The following EVA1A variants were observed in gnomAD, a reference collection of about 807,000 sequenced individuals.
EVA1A encodes protein eva-1 homolog A.
EVA1A carries 7 observed loss-of-function variants against 9.8 expected under a neutral mutation model. The observed-to-expected ratio is 0.71, with a 90% CI of 0.41 to 1.34. EVA1A has a LOEUF of 1.34. Among genes scored for constraint, EVA1A ranks in the 40% most tolerant of loss-of-function variants. The probability of loss-of-function intolerance (pLI) is 0.01; values close to 1 mark genes in which losing one functional copy is unlikely to be tolerated. For synonymous variants in EVA1A, 90 were observed against 85.6 expected (o/e 1.05, Z -0.28); for missense variants, 206 against 205.9 (o/e 1.00, Z 0.00).
At chr2:75,523,880 G>A (rs568988379) in intron 1 of EVA1A, among the ~76,000 whole-genome samples, 1 of 152,202 alleles carries the variant, frequency 6.6e-6, no homozygotes, top group Non-Finnish European at 1.5e-5. Flanking sequence ...ATGTGGTTTG[G>A]CTGTGTCCCC....
upstream of EVA1A, among the ~76,000 whole-genome samples, chr2:75,565,277 G>T (rs1020639663): frequency 1.3e-5 from 2 of 152,090 alleles, no homozygotes; most frequent in Admixed American, 1.3e-4. Flanking sequence ...CTATGAGTAG[G>T]GCTTTTTTTT....
At chr2:75,525,962 G>A (rs967476672) in intron 1 of EVA1A, 1 of 152,190 alleles carries the variant, frequency 6.6e-6, no homozygotes, top group Non-Finnish European at 1.5e-5. Flanking sequence ...TTAGCCTGGA[G>A]GCTGCCTACC....
At chr2:75,503,643 GA>G in intron 3 of EVA1A, among the ~76,000 whole-genome samples, 1 of 152,104 alleles carries the variant, frequency 6.6e-6, no homozygotes, top group Admixed American at 6.6e-5. Flanking sequence ...TTCCTTAAGT[GA>G]AAAGTAAAAG....
At chr2:75,515,435 T>C (rs1674969595) in intron 3 of EVA1A, among the ~76,000 whole-genome samples, 2 of 152,194 alleles carry the variant, frequency 1.3e-5, no homozygotes, top group Admixed American at 1.3e-4. Flanking sequence ...ATTATACTGG[T>C]GTTTGATAAC....
At chr2:75,521,441 C>T (rs1158405682) in intron 2 of EVA1A, among the ~76,000 whole-genome samples, 3 of 152,190 alleles carry the variant, frequency 2.0e-5, no homozygotes, top group African/African-American at 7.2e-5. Flanking sequence ...CCCAAATGTC[C>T]ATCCACAGAT....
chr2:75,528,666 C>T (rs985669179), intron 1 of EVA1A, among the ~76,000 whole-genome samples: 13 of 152,200 alleles, frequency 8.5e-5, no homozygotes, highest in African/African-American at 2.4e-4. Flanking sequence ...CTACTCCCAC[C>T]TGATGGTCTT....
chr2:75,547,260 G>C (rs189385539), intron 1 of EVA1A, among the ~76,000 whole-genome samples: 1 of 152,150 alleles, frequency 6.6e-6, no homozygotes, highest in Non-Finnish European at 1.5e-5. Context: ...TTCATGGATG[G>C]AGCTTCATGC....
chr2:75,542,257 T>G (rs764570544), intron 1 of EVA1A: 1 of 152,574 alleles, frequency 6.6e-6, no homozygotes, highest in Admixed American at 6.5e-5. Flanking sequence ...GTCTCTAGTA[T>G]GTCTTTATCA....
chr2:75,547,612 A>G (rs1465483992), intron 1 of EVA1A, among the ~76,000 whole-genome samples: 3 of 152,196 alleles, frequency 2.0e-5, no homozygotes, highest in African/African-American at 7.2e-5. Flanking sequence ...AGCATTAAAG[A>G]AACAACTAGA....
At position 75,492,411 on chromosome 2, in the gene EVA1A, TA is replaced by T. The variant is rs3081153; in HGVS notation, c.*824del. The T allele has an allele frequency of 1.1e-3, 159 of 138,314 alleles. 1 individual carries two copies. In the East Asian group the frequency reaches 0.019, roughly 16 times the overall value. The allele number at this position is 138,314 out of a possible 1,614,324, so 8.6% of individuals were successfully genotyped here. Reference sequence around the variant, plus strand: ...TCCATTCTTTTCTTTGAAATCCAATTAAAAAAAAAAAAAAAAACAAAGTGTT... The same window carrying T: ...TCCATTCTTTTCTTTGAAATCCAATTAAAAAAAAAAAAAAAACAAAGTGTT... On this transcript the variant is annotated 3_prime_UTR_variant, in exon 4 of 4. Coordinates refer to ENST00000393913, the MANE Select transcript of EVA1A (RefSeq NM_001135032.2).
rs138994184 is a variant in EVA1A at position 75,527,487 on chromosome 2, C to T, written c.-191-5000G>A. On this transcript the variant is annotated intron_variant, in intron 1 of 3. Transcript: ENST00000393913. ...GGACTCTCATCACTACCAGTGGTTA[C>T]GAGCCCCACATCTGTGGAGACCACA... is the stretch of plus-strand genomic sequence containing the variant. Among the ~76,000 whole-genome samples the T allele has an allele frequency of 2.2e-3, 342 of 152,300 alleles. 2 individuals are homozygous for T. The highest frequency in any genetic ancestry group is 7.1e-3 in the African/African-American group (293 of 41,556).
At chr2:75,530,986 C>G (rs12989478) in intron 1 of EVA1A, among the ~76,000 whole-genome samples, 23,535 of 152,024 alleles carry the variant, frequency 0.15, 1,912 homozygotes, top group African/African-American at 0.18. Context: ...ATGATGTTAT[C>G]ATATACCTGG....
At chr2:75,519,952 G>A (rs1383849871) in intron 2 of EVA1A, among the ~76,000 whole-genome samples, 2 of 151,988 alleles carry the variant, frequency 1.3e-5, no homozygotes, top group African/African-American at 4.8e-5. Flanking sequence ...TATTAACAGG[G>A]TCATTTTTCT....
At chr2:75,503,177 C>T (rs573273768) in intron 3 of EVA1A, among the ~76,000 whole-genome samples, 2 of 152,210 alleles carry the variant, frequency 1.3e-5, no homozygotes, top group Non-Finnish European at 1.5e-5. Flanking sequence ...ATTTTCACAG[C>T]TGATACAATT....
chr2:75,562,780 T>C (rs1182776059), upstream of EVA1A, among the ~76,000 whole-genome samples: 1 of 152,238 alleles, frequency 6.6e-6, no homozygotes, highest in African/African-American at 2.4e-5. Flanking sequence ...GATGTAATAC[T>C]ACGTGTGTTA....
chr2:75,552,285 A>G (rs115916017), intron 1 of EVA1A, among the ~76,000 whole-genome samples: 1 of 152,114 alleles, frequency 6.6e-6, no homozygotes, highest in African/African-American at 2.4e-5. Context: ...CTCCCTAACT[A>G]TCTTAATATT....
rs149813564 is a variant in EVA1A, at chr2:75,551,348, C to G, written c.-192+9332G>C. 5.5e-3 allele frequency among the ~76,000 whole-genome samples: 831 copies of G among 152,204 alleles called. 6 individuals carry two copies. The highest frequency in any genetic ancestry group is 0.014 in the Middle Eastern group (4 of 294). On this transcript the variant is annotated intron_variant, in intron 1 of 3. Transcript: ENST00000393913. ...TTAGACTCCCCTCATCTGTTAGACT[C>G]CTCTCACCAAGTCGTCAATAGCTTT...
chr2:75,517,905 C>T (rs1558678263), intron 3 of EVA1A, 151 bp downstream of exon 3: 1 of 876,216 alleles, frequency 1.1e-6, no homozygotes, highest in Non-Finnish European at 1.9e-6. Context: ...AACCTGGAGA[C>T]CTTTCATCTC....
At chr2:75,536,894 C>G (rs1675926167) in intron 1 of EVA1A, among the ~76,000 whole-genome samples, 1 of 152,070 alleles carries the variant, frequency 6.6e-6, no homozygotes, top group South Asian at 2.1e-4. Context: ...GAAGAATTAG[C>G]ACCACTTCTA....
Sources: allele counts gnomAD v4.1 joint callset (sites outside exome capture counted in the v4.1 genomes callset), GRCh38; gene constraint gnomAD v4.1.1; transcripts MANE v1.5; gene names NCBI Gene and HGNC (gene_info 2026-07-23, HGNC 2026-07-21).